Variants in NPAS3 observed in about 807,000 individuals in gnomAD.
NPAS3 encodes the protein neuronal PAS domain protein 3.
In NPAS3, 14 loss-of-function variants were observed where a neutral mutation model predicts 73.1. The ratio of observed to expected loss-of-function variants is 0.19; its 90% CI spans 0.13 to 0.30. NPAS3 has a LOEUF of 0.30. NPAS3 is among the 10% of genes least tolerant of loss of function. The probability of loss-of-function intolerance (pLI) is 1.00; values close to 1 mark genes in which losing one functional copy is unlikely to be tolerated. For synonymous variants in NPAS3, 620 were observed against 541.5 expected, an observed-to-expected ratio of 1.14 and a Z score of -2.01; for missense variants, 1,096 against 1,250.0, an observed-to-expected ratio of 0.88 and a Z score of 1.86.
At chr14:32,959,554 C>G (rs1218721889) in intron 1 of NPAS3, among the ~76,000 whole-genome samples, 3 of 152,166 alleles carry the variant, frequency 2.0e-5, no homozygotes, top group Non-Finnish European at 4.4e-5. Context: ...TTTAAAACTT[C>G]TTTTCTTTCA....
chr14:33,463,469 C>T (rs376872967), intron 4 of NPAS3, among the ~76,000 whole-genome samples: 9 of 151,962 alleles, frequency 5.9e-5, no homozygotes, highest in East Asian at 3.8e-4. Flanking sequence ...AAAATAATGA[C>T]GCAGTAATTA....
intron 5 of NPAS3, among the ~76,000 whole-genome samples, chr14:33,597,982 A>T (rs1384608998): frequency 6.6e-6 from 1 of 152,198 alleles, no homozygotes; most frequent in Non-Finnish European, 1.5e-5. Flanking sequence ...ATTTCTCTTA[A>T]TTCTGTTGCA....
intron 5 of NPAS3, among the ~76,000 whole-genome samples, chr14:33,668,379 A>C (rs2059516075): frequency 6.6e-6 from 1 of 152,208 alleles, no homozygotes; most frequent in Non-Finnish European, 1.5e-5. Flanking sequence ...TGGGTGCATT[A>C]AGCATATCTA....
intron 2 of NPAS3, among the ~76,000 whole-genome samples, chr14:33,064,332 C>T (rs548477664): frequency 6.6e-6 from 1 of 152,272 alleles, no homozygotes; most frequent in South Asian, 2.1e-4. Context: ...TAATATACCT[C>T]CCTTAATTGT....
At chr14:33,210,475 C>T (rs1188079322) in intron 2 of NPAS3, among the ~76,000 whole-genome samples, 2 of 152,170 alleles carry the variant, frequency 1.3e-5, no homozygotes, top group African/African-American at 2.4e-5. Context: ...GCAGCTTCCC[C>T]ACTTCTGGGC....
chr14:33,318,214 A>G (rs1302563016), intron 3 of NPAS3, among the ~76,000 whole-genome samples: 3 of 152,108 alleles, frequency 2.0e-5, no homozygotes, highest in Admixed American at 6.6e-5. Context: ...AACTTTGAGG[A>G]CATTATGCTA....
intron 4 of NPAS3, among the ~76,000 whole-genome samples, chr14:33,398,985 G>T (rs1216415175): frequency 6.6e-6 from 1 of 152,014 alleles, no homozygotes; most frequent in Non-Finnish European, 1.5e-5. Flanking sequence ...GTGACAATTA[G>T]CTCCCAATGG....
chr14:33,250,382 A>G (rs2048538807), intron 3 of NPAS3, among the ~76,000 whole-genome samples: 1 of 152,134 alleles, frequency 6.6e-6, no homozygotes, highest in African/African-American at 2.4e-5. Flanking sequence ...ATTGATATAC[A>G]GACAAGGTTT....
intron 1 of NPAS3, among the ~76,000 whole-genome samples, chr14:33,005,364 C>T (rs775670432): frequency 1.6e-4 from 24 of 152,114 alleles, no homozygotes; most frequent in Non-Finnish European, 5.9e-5. Context: ...CTGAAAATGT[C>T]AGTGGCACAT....
intron 4 of NPAS3, among the ~76,000 whole-genome samples, chr14:33,381,503 A>C (rs2138455561): frequency 6.6e-6 from 1 of 152,292 alleles, no homozygotes; most frequent in Non-Finnish European, 1.5e-5. Context: ...CTATCATTTA[A>C]CCTGGCTTTA....
chr14:33,559,986 G>A, intron 4 of NPAS3, 135 bp from the exon 5 acceptor site: 1 of 468,190 alleles, frequency 2.1e-6, no homozygotes, highest in South Asian at 4.0e-5. Context: ...CTCTAGCCTG[G>A]GAGACAGAGC....
chr14:33,746,856 C>T (rs945046639), intron 7 of NPAS3, among the ~76,000 whole-genome samples: 4 of 151,946 alleles, frequency 2.6e-5, no homozygotes, highest in Non-Finnish European at 4.4e-5. Context: ...AACTCGTCAT[C>T]TAGCATTAGG....
intron 7 of NPAS3, among the ~76,000 whole-genome samples, chr14:33,759,085 C>A (rs767203203): frequency 3.4e-4 from 52 of 152,196 alleles, no homozygotes; most frequent in Non-Finnish European, 6.6e-4. Context: ...GTTTAGATCT[C>A]CTGCCTCTGT....
chr14:33,545,596 T>C (rs1462845339), intron 4 of NPAS3, among the ~76,000 whole-genome samples: 3 of 152,196 alleles, frequency 2.0e-5, no homozygotes, highest in Admixed American at 2.0e-4. Context: ...CCTCTTGAAA[T>C]GTTTGAAGTG....
chr14:33,738,445 T>A (rs1217085650), intron 7 of NPAS3, among the ~76,000 whole-genome samples: 1 of 152,148 alleles, frequency 6.6e-6, no homozygotes, highest in Admixed American at 6.6e-5. Context: ...GCTCACCGTA[T>A]CCCACTGCAC....
intron 2 of NPAS3, among the ~76,000 whole-genome samples, chr14:33,079,860 C>A (rs888126655): frequency 6.6e-6 from 1 of 151,848 alleles, no homozygotes; most frequent in Non-Finnish European, 1.5e-5. Flanking sequence ...GATCTGCCCC[C>A]CTCAGCCTCC....
At chr14:33,365,428 G>T (rs918836301) in intron 3 of NPAS3, among the ~76,000 whole-genome samples, 3 of 152,038 alleles carry the variant, frequency 2.0e-5, no homozygotes, top group African/African-American at 7.2e-5. Context: ...ACTGTCTTAA[G>T]TATATCTGAA....
chr14:33,100,190 A>T (rs1192599990), intron 2 of NPAS3, among the ~76,000 whole-genome samples: 1 of 152,170 alleles, frequency 6.6e-6, no homozygotes, highest in Non-Finnish European at 1.5e-5. Flanking sequence ...CTCTATCTAG[A>T]TCACTTCTGA....
intron 1 of NPAS3, among the ~76,000 whole-genome samples, chr14:33,026,004 AATAAG>A (rs1343736371): frequency 6.6e-6 from 1 of 152,200 alleles, no homozygotes; most frequent in African/African-American, 2.4e-5. Context: ...GATTATTTAA[AATAAG>A]ATGTTTTAAT....
Sources: allele counts gnomAD v4.1 joint callset (sites outside exome capture counted in the v4.1 genomes callset), GRCh38; gene constraint gnomAD v4.1.1; transcripts MANE v1.5; gene names NCBI Gene and HGNC (gene_info 2026-07-23, HGNC 2026-07-21).